SHPRH: variants seen among roughly 807,000 people sequenced by gnomAD.
SHPRH encodes the protein E3 ubiquitin-protein ligase SHPRH.
Under a neutral mutation model 202.5 loss-of-function variants are expected in SHPRH, and 106 were observed. The ratio of observed to expected loss-of-function variants is 0.52; its 90% CI spans 0.45 to 0.62. The LOEUF (loss-of-function observed/expected upper bound fraction) is 0.62, where lower values mean the gene tolerates loss of function less well. Among genes scored for constraint, SHPRH ranks in the 20% least tolerant of loss-of-function variants. The pLI is 0.00. For missense variants in SHPRH, 1,710 were observed against 2,020.0 expected, an observed-to-expected ratio of 0.85 and a Z score of 2.94; for synonymous variants, 729 against 686.0, an observed-to-expected ratio of 1.06 and a Z score of -0.98.
rs938944644 is a variant in SHPRH, at chr6:145,955,296, A to G, written c.27T>C (p.Pro9=). 1.5e-5 allele frequency: 24 copies of G among 1,602,330 alleles called. No homozygotes were observed. The Admixed American group carries it at 3.5e-4, about 23-fold the overall frequency. MSSRRKRA[P]PVRVDEEKRQ... is the part of the protein sequence containing the mutation. ...TCTTTTCCTCATCTACCCTCACTGG[A>G]GGAGCACGTTTCCGTCGGCTGCTCA... The change falls in exon 2 of 30, where the codon CCT becomes CCC. Residue 9 remains proline (P), a synonymous_variant. Coordinates refer to ENST00000275233, the MANE Select transcript of SHPRH (RefSeq NM_001042683.3).
intron 1 of SHPRH, among the ~76,000 whole-genome samples, chr6:145,956,975 G>A (rs1788570665): frequency 6.6e-6 from 1 of 152,058 alleles, no homozygotes; most frequent in South Asian, 2.1e-4. Flanking sequence ...AAAGTTGAAT[G>A]ACTTACACTG....
rs746673582 is a variant in SHPRH at position 145,885,719 on chromosome 6, C to G, written c.*972G>C. ...TCTCTTGTTCAAAAGGTCAAAGACT[C>G]GTGCTTAAGGGAGGAACAACTGGAG... On this transcript the variant is annotated 3_prime_UTR_variant, in exon 30 of 30. Coordinates refer to ENST00000275233, the MANE Select transcript of SHPRH (RefSeq NM_001042683.3). 2 of 152,024 alleles carry G rather than the reference C, an allele frequency of 1.3e-5. No individual in the cohort carries two copies. Among genetic ancestry groups the G allele is most frequent in the East Asian group, 3.8e-4 (2 of 5,196 alleles). 9.4% of individuals were successfully genotyped at this position (152,024 alleles called of 1,614,324 possible).
intron 4 of SHPRH, among the ~76,000 whole-genome samples, chr6:145,949,565 A>G (rs571956248): frequency 6.6e-6 from 1 of 152,238 alleles, no homozygotes; most frequent in Admixed American, 6.5e-5. Context: ...AGAATAGTAT[A>G]ACGGATACTG....
At chr6:145,883,807 T>C (rs990701198), downstream of SHPRH, 2 of 152,236 alleles carry the variant, frequency 1.3e-5, no homozygotes, top group Non-Finnish European at 2.9e-5. Flanking sequence ...CACTCATTTT[T>C]TTTTTTACAT....
intron 12 of SHPRH, 30 bp downstream of exon 12, chr6:145,935,248 C>T (rs1300528469): frequency 1.1e-5 from 18 of 1,611,616 alleles, no homozygotes; most frequent in Non-Finnish European, 1.4e-5. Flanking sequence ...TCTTATAGTA[C>T]CTTTATCAAT....
At chr6:145,922,007 C>T (rs371260123) in intron 20 of SHPRH, among the ~76,000 whole-genome samples, 8 of 152,090 alleles carry the variant, frequency 5.3e-5, no homozygotes, top group South Asian at 2.1e-4. Context: ...CTGTATAATT[C>T]AAATCCACTG....
At chr6:145,913,293 A>C (rs1357399777) in intron 24 of SHPRH, among the ~76,000 whole-genome samples, 185 bp downstream of exon 24, 8 of 152,132 alleles carry the variant, frequency 5.3e-5, no homozygotes, top group African/African-American at 1.9e-4. Context: ...CATTTAAGAA[A>C]AGCATTGCTC....
intron 11 of SHPRH, chr6:145,935,668 C>T: frequency 4.2e-6 from 2 of 471,952 alleles, no homozygotes; most frequent in Non-Finnish European, 3.7e-6. Flanking sequence ...TAGATTTATG[C>T]AACCATTCAT....
Position 145,943,369 on chromosome 6 carries a change from C to G in SHPRH, c.2012G>C (p.Arg671Pro), listed in dbSNP as rs765909278. 6.2e-7 allele frequency: 1 copy of G among 1,613,950 alleles called. No homozygotes were observed. The highest frequency in any genetic ancestry group is 8.5e-7 in the Non-Finnish European group (1 of 1,179,922). Reference sequence around the variant, plus strand: ...CTTCAGGCATTGAACACGAGGCTTACGATCTATCTGATCAAGTTCACCACA... The same window carrying G: ...CTTCAGGCATTGAACACGAGGCTTAGGATCTATCTGATCAAGTTCACCACA... ...CICGELDQID[R>P]KPRVQCLKCH... The change falls in exon 9 of 30, where the codon CGT becomes CCT. Residue 671 changes from arginine to proline, a missense_variant. Arg to Pro is a moderately radical substitution (Grantham distance 103, BLOSUM62 -2). Around this residue, in one of 8 missense-constraint regions of SHPRH, gnomAD observed 348 missense variants for 356.9 expected, o/e 0.97. Coordinates refer to ENST00000275233, the MANE Select transcript of SHPRH (RefSeq NM_001042683.3).
At chr6:145,916,159 G>A (rs1483317748) in intron 23 of SHPRH, among the ~76,000 whole-genome samples, 2 of 151,982 alleles carry the variant, frequency 1.3e-5, no homozygotes, top group African/African-American at 2.4e-5. Flanking sequence ...CTGTATTTCT[G>A]CAGTTCTATA....
At chr6:145,907,619 G>C (rs1334864695) in intron 25 of SHPRH, 1 of 152,120 alleles carries the variant, frequency 6.6e-6, no homozygotes, top group Non-Finnish European at 1.5e-5. Flanking sequence ...AGATCCATTT[G>C]AGTCCTTGTC....
chr6:145,935,480 T>C, intron 11 of SHPRH, 39 bp from the exon 12 acceptor site: 2 of 1,593,724 alleles, frequency 1.3e-6, no homozygotes, highest in South Asian at 1.1e-5. Context: ...GATAACTCTA[T>C]TACTTCATTA....
chr6:145,879,910 CAAAAAAAAAAAAAAA>C (rs67055862), downstream of SHPRH, among the ~76,000 whole-genome samples: 1 of 61,102 alleles, frequency 1.6e-5, no homozygotes, highest in East Asian at 4.9e-4. Flanking sequence ...AACTCAATCT[CAAAAAAAAAAAAAAA>C]AAAAAAAGGA....
chr6:145,943,262 G>A lies in SHPRH; in HGVS notation c.2119C>T (p.Leu707Phe). ...GTTGACACTGGTTCCATTGCAACAA[G>A]GCAGTGGGGGCAGTAAAAAGGCTTG... ...KIKPFYCPHC[L>F]VAMEPVSTRA... The change falls in exon 9 of 30, where the codon CTT (leucine) becomes TTT (phenylalanine). Residue 707 changes from leucine (L) to phenylalanine (F), a missense_variant. Coordinates refer to ENST00000275233, the MANE Select transcript of SHPRH (RefSeq NM_001042683.3). 1.9e-6 allele frequency: 3 copies of A among 1,613,774 alleles called. No individual in the cohort carries two copies. Among genetic ancestry groups the A allele is most frequent in the Non-Finnish European group, 2.5e-6 (3 of 1,179,898 alleles).
intron 27 of SHPRH, 45 bp from the exon 28 acceptor site, chr6:145,893,438 A>ACTGCTCTTATTT: frequency 6.8e-7 from 1 of 1,478,320 alleles, no homozygotes. Flanking sequence ...ATCAGTTAAA[A>ACTGCTCTTATTT]TAAGAGCAGT....
At chr6:145,914,201 T>A (rs1046651649) in intron 23 of SHPRH, among the ~76,000 whole-genome samples, 1 of 152,056 alleles carries the variant, frequency 6.6e-6, no homozygotes, top group African/African-American at 2.4e-5. Flanking sequence ...CTCATGCTCA[T>A]GTTTGGCAGT....
chr6:145,894,046 G>T, intron 27 of SHPRH, 104 bp downstream of exon 27: 1 of 698,414 alleles, frequency 1.4e-6, no homozygotes, highest in Non-Finnish European at 2.2e-6. Flanking sequence ...CCCTGTTTAT[G>T]TGGCTTATAT....
downstream of SHPRH, among the ~76,000 whole-genome samples, chr6:145,860,842 C>T (rs1460601549): frequency 6.6e-6 from 1 of 152,122 alleles, no homozygotes; most frequent in Middle Eastern, 3.4e-3. Flanking sequence ...GAAATAAACC[C>T]ACACATATAT....
chr6:145,924,627 G>A, intron 17 of SHPRH, 112 bp downstream of exon 17: 1 of 802,716 alleles, frequency 1.2e-6, no homozygotes, highest in East Asian at 2.6e-5. Context: ...TGTGCTAGGT[G>A]CTAAGGATTT....
Sources: gnomAD v4.1 joint callset for allele counts (sites outside exome capture counted in the v4.1 genomes callset) on GRCh38, gnomAD v4.1.1 for gene constraint, gnomAD v4.1.1 regional missense constraint, MANE v1.5 for transcripts, NCBI Gene and HGNC (gene_info 2026-07-23, HGNC 2026-07-21) for gene names.